The following CNTNAP2 variants were observed in gnomAD, a reference collection of about 807,000 sequenced individuals.
CNTNAP2 encodes contactin associated protein 2, also known as contactin-associated protein-like 2.
A neutral mutation model predicts 155.2 loss-of-function variants in CNTNAP2; 98 were observed. That is an observed-to-expected ratio of 0.63 (90% CI 0.54 to 0.75). CNTNAP2 has a LOEUF of 0.75. Ranked by LOEUF, CNTNAP2 falls within the 30% of genes least tolerant of loss-of-function variation. CNTNAP2 has a pLI of 0.00. For synonymous variants in CNTNAP2, 651 were observed against 631.2 expected, an observed-to-expected ratio of 1.03 and a Z score of -0.47; for missense variants, 1,727 against 1,688.1, an observed-to-expected ratio of 1.02 and a Z score of -0.40.
At chr7:147,494,728 T>C (rs1437553624) in intron 11 of CNTNAP2, among the ~76,000 whole-genome samples, 1 of 152,160 alleles carries the variant, frequency 6.6e-6, no homozygotes, top group South Asian at 2.1e-4. Context: ...AAAAATGATA[T>C]AGGGAAAGAG....
At chr7:147,714,604 G>A (rs1796454637) in intron 13 of CNTNAP2, among the ~76,000 whole-genome samples, 1 of 151,994 alleles carries the variant, frequency 6.6e-6, no homozygotes, top group African/African-American at 2.4e-5. Flanking sequence ...AAGGTTTTTA[G>A]GGAAAAGGAA....
chr7:146,555,654 A>T (rs1798188139), intron 1 of CNTNAP2, among the ~76,000 whole-genome samples: 1 of 152,216 alleles, frequency 6.6e-6, no homozygotes, highest in Admixed American at 6.5e-5. Flanking sequence ...ACAATAAAAG[A>T]CTACAAAACA....
chr7:146,566,719 A>G (rs1237407931), intron 1 of CNTNAP2, among the ~76,000 whole-genome samples: 1 of 151,644 alleles, frequency 6.6e-6, no homozygotes, highest in Non-Finnish European at 1.5e-5. Context: ...AAAAATAAAA[A>G]TTAAAATTAA....
At chr7:147,260,737 AATT>A (rs1804444351) in intron 8 of CNTNAP2, among the ~76,000 whole-genome samples, 1 of 152,162 alleles carries the variant, frequency 6.6e-6, no homozygotes, top group Admixed American at 6.5e-5. Flanking sequence ...GTGGTCTCCT[AATT>A]ATTTAGTTGA....
chr7:146,707,656 A>G (rs976560819), intron 1 of CNTNAP2, among the ~76,000 whole-genome samples: 1 of 152,138 alleles, frequency 6.6e-6, no homozygotes, highest in Non-Finnish European at 1.5e-5. Context: ...TTAGTTCAAC[A>G]TGACCTTTGA....
chr7:146,299,951 G>T (rs1800578530), intron 1 of CNTNAP2, among the ~76,000 whole-genome samples: 1 of 152,084 alleles, frequency 6.6e-6, no homozygotes, highest in Admixed American at 6.6e-5. Flanking sequence ...AAATATGAAG[G>T]TTAGAAAGAG....
chr7:147,128,773 C>G lies in CNTNAP2; in HGVS notation c.1020C>G (p.Ile340Met). 1 of 1,614,076 alleles carries G rather than the reference C, an allele frequency of 6.2e-7. No homozygotes were observed. The highest frequency in any genetic ancestry group is 8.5e-7 in the Non-Finnish European group (1 of 1,179,960). ...RKNFKGCMES[I>M]NYNGVNITDL... is the part of the protein sequence containing the mutation. ...ATTTCAAAGGCTGCATGGAAAGCAT[C>G]AACTACAATGGCGTCAACATTACTG... The change falls in exon 7 of 24, where the codon ATC (isoleucine) becomes ATG (methionine). Residue 340 changes from isoleucine (I) to methionine (M), a missense_variant. Coordinates refer to ENST00000361727, the MANE Select transcript of CNTNAP2 (RefSeq NM_014141.6).
intron 10 of CNTNAP2, among the ~76,000 whole-genome samples, chr7:147,428,799 GT>G (rs1479789763): frequency 1.3e-5 from 2 of 152,070 alleles, no homozygotes; most frequent in African/African-American, 4.8e-5. Context: ...TATTTCAGTA[GT>G]TTTTTGGGAA....
chr7:146,659,163 T>G (rs1216492763), intron 1 of CNTNAP2, among the ~76,000 whole-genome samples: 1 of 152,338 alleles, frequency 6.6e-6, no homozygotes, highest in East Asian at 1.9e-4. Flanking sequence ...TTTCTTATTC[T>G]CAGTGATTAA....
chr7:146,875,943 A>C (rs1231025210), intron 3 of CNTNAP2, among the ~76,000 whole-genome samples: 3 of 139,690 alleles, frequency 2.1e-5, no homozygotes, highest in African/African-American at 9.0e-5. Context: ...GCAAAAAAAA[A>C]AAAAAAAAAA....
At chr7:147,191,885 TA>T (rs1802686670) in intron 8 of CNTNAP2, among the ~76,000 whole-genome samples, 1 of 152,192 alleles carries the variant, frequency 6.6e-6, no homozygotes, top group African/African-American at 2.4e-5. Flanking sequence ...ACTCTGTTTT[TA>T]AAAAAGCAAA....
intron 13 of CNTNAP2, among the ~76,000 whole-genome samples, chr7:147,837,441 G>A (rs1288325240): frequency 1.3e-5 from 2 of 152,040 alleles, no homozygotes; most frequent in East Asian, 1.9e-4. Flanking sequence ...AGATTTGGGT[G>A]GGGACACAGC....
At chr7:146,906,140 C>T (rs1222767433) in intron 3 of CNTNAP2, among the ~76,000 whole-genome samples, 2 of 152,218 alleles carry the variant, frequency 1.3e-5, no homozygotes, top group Admixed American at 6.5e-5. Flanking sequence ...ACACCTGGCT[C>T]GGAGGGTCCT....
At chr7:146,633,768 T>C (rs1010165175) in intron 1 of CNTNAP2, among the ~76,000 whole-genome samples, 1 of 137,810 alleles carries the variant, frequency 7.3e-6, no homozygotes, top group African/African-American at 2.8e-5. Flanking sequence ...AGACGGAGTC[T>C]GCAGTGAGCT....
chr7:147,042,862 A>G (rs1799285986), intron 3 of CNTNAP2, among the ~76,000 whole-genome samples: 1 of 152,128 alleles, frequency 6.6e-6, no homozygotes, highest in South Asian at 2.1e-4. Flanking sequence ...TAGAATGCAT[A>G]TTTGTATGAT....
intron 13 of CNTNAP2, among the ~76,000 whole-genome samples, chr7:147,877,145 T>G (rs1279542347): frequency 1.3e-5 from 2 of 151,748 alleles, no homozygotes; most frequent in Non-Finnish European, 2.9e-5. Flanking sequence ...GGCTTTTTTG[T>G]GTTGTTTGGC....
intron 1 of CNTNAP2, among the ~76,000 whole-genome samples, chr7:146,593,956 C>T (rs908663999): frequency 2.6e-4 from 39 of 152,136 alleles, no homozygotes; most frequent in African/African-American, 9.2e-4. Context: ...TGATCACCAT[C>T]AATATCTAAT....
intron 8 of CNTNAP2, among the ~76,000 whole-genome samples, chr7:147,231,741 G>A (rs1360610525): frequency 6.6e-6 from 1 of 152,166 alleles, no homozygotes; most frequent in Non-Finnish European, 1.5e-5. Context: ...GCTGGAAAAT[G>A]TCTCTTCAGG....
At chr7:146,653,516 T>G (rs1202675094) in intron 1 of CNTNAP2, among the ~76,000 whole-genome samples, 1 of 152,156 alleles carries the variant, frequency 6.6e-6, no homozygotes, top group Non-Finnish European at 1.5e-5. Flanking sequence ...CCAATACATG[T>G]AAACTACTCT....
Sources: allele counts gnomAD v4.1 joint callset (sites outside exome capture counted in the v4.1 genomes callset), GRCh38; gene constraint gnomAD v4.1.1; transcripts MANE v1.5; gene names NCBI Gene and HGNC (gene_info 2026-07-23, HGNC 2026-07-21).